TENM2: variants seen among roughly 807,000 people sequenced by gnomAD.
TENM2 encodes teneurin-2.
Under a neutral mutation model 245.2 loss-of-function variants are expected in TENM2, and 52 were observed. The ratio of observed to expected loss-of-function variants is 0.21; its 90% CI spans 0.17 to 0.27. TENM2 has a LOEUF of 0.27. Among genes scored for constraint, TENM2 ranks in the 10% least tolerant of loss-of-function variants. TENM2 has a pLI of 1.00. For missense variants in TENM2, 3,046 were observed against 3,666.8 expected (o/e 0.83, Z 4.37); for synonymous variants, 1,363 against 1,438.9 (o/e 0.95, Z 1.19).
chr5:167,311,228 G>A (rs973399889), intron 1 of TENM2, among the ~76,000 whole-genome samples: 12 of 152,200 alleles, frequency 7.9e-5, no homozygotes, highest in Admixed American at 4.6e-4. Flanking sequence ...ATTACTTTGC[G>A]CTGTACTCCT....
At chr5:167,454,699 C>T (rs1180482662) in intron 2 of TENM2, among the ~76,000 whole-genome samples, 2 of 152,144 alleles carry the variant, frequency 1.3e-5, no homozygotes, top group African/African-American at 2.4e-5. Context: ...ATTACCTTTT[C>T]TTCCAGGTTG....
chr5:167,321,997 T>A (rs974451948), intron 1 of TENM2, among the ~76,000 whole-genome samples: 1 of 151,516 alleles, frequency 6.6e-6, no homozygotes, highest in Non-Finnish European at 1.5e-5. Context: ...TCTGACTAGT[T>A]TTTTTTGTAT....
chr5:168,061,051 C>G (rs1398535589), intron 6 of TENM2, among the ~76,000 whole-genome samples: 1 of 152,076 alleles, frequency 6.6e-6, no homozygotes, highest in Non-Finnish European at 1.5e-5. Context: ...ATCGGGGGTT[C>G]CAGAAATGAA....
At chr5:168,024,267 A>C (rs1581090678) in intron 5 of TENM2, among the ~76,000 whole-genome samples, 1 of 152,160 alleles carries the variant, frequency 6.6e-6, no homozygotes, top group African/African-American at 2.4e-5. Context: ...CACCTACAGT[A>C]CCATACCTAA....
intron 2 of TENM2, among the ~76,000 whole-genome samples, chr5:167,755,413 A>T (rs1582922639): frequency 1.3e-5 from 2 of 149,098 alleles, no homozygotes; most frequent in African/African-American, 4.9e-5. Flanking sequence ...GTTGATCTGA[A>T]TTTTTTTTTT....
At chr5:167,293,270 C>G (rs1754746193) in intron 1 of TENM2, among the ~76,000 whole-genome samples, 1 of 152,078 alleles carries the variant, frequency 6.6e-6, no homozygotes, top group Non-Finnish European at 1.5e-5. Context: ...GGTGCAATCT[C>G]TGCTCACAGC....
intron 2 of TENM2, among the ~76,000 whole-genome samples, chr5:167,837,003 G>A (rs1244806978): frequency 6.6e-6 from 1 of 150,934 alleles, no homozygotes; most frequent in Admixed American, 6.6e-5. Context: ...ATTCAAAAAA[G>A]TAGAAAGAAA....
At chr5:167,498,633 G>C (rs148497276) in intron 2 of TENM2, among the ~76,000 whole-genome samples, 103 of 152,152 alleles carry the variant, frequency 6.8e-4, no homozygotes, top group Non-Finnish European at 1.2e-3. Flanking sequence ...GTTTCTCCTT[G>C]AGCTTGCACT....
chr5:167,073,286 C>T, the TENM2 span, among the ~76,000 whole-genome samples: 2 of 152,100 alleles, frequency 1.3e-5, no homozygotes, highest in African/African-American at 2.4e-5. Flanking sequence ...GGGCTTGCTT[C>T]GTCATTTGGC....
intron 2 of TENM2, among the ~76,000 whole-genome samples, chr5:167,493,777 C>CAT (rs1360431863): frequency 2.6e-5 from 4 of 152,026 alleles, no homozygotes; most frequent in African/African-American, 7.2e-5. Context: ...CATATATGTT[C>CAT]ATATATCTAT....
chr5:167,379,306 C>T (rs531294212), intron 2 of TENM2, among the ~76,000 whole-genome samples: 6 of 152,192 alleles, frequency 3.9e-5, no homozygotes, highest in South Asian at 4.1e-4. Flanking sequence ...TCTGTCTCCT[C>T]GGCAGAGTTC....
At chr5:167,499,669 CT>C (rs1486993567) in intron 2 of TENM2, among the ~76,000 whole-genome samples, 1 of 152,120 alleles carries the variant, frequency 6.6e-6, no homozygotes, top group East Asian at 1.9e-4. Context: ...GAGCTACCCA[CT>C]ATTGTACATT....
intron 2 of TENM2, among the ~76,000 whole-genome samples, chr5:167,725,641 A>C (rs992646274): frequency 6.6e-6 from 1 of 152,066 alleles, no homozygotes; most frequent in Non-Finnish European, 1.5e-5. Flanking sequence ...TTTAAATGCA[A>C]ATTGGATCCT....
intron 2 of TENM2, among the ~76,000 whole-genome samples, chr5:167,720,949 G>T (rs1759586704): frequency 6.6e-6 from 1 of 152,218 alleles, no homozygotes; most frequent in South Asian, 2.1e-4. Flanking sequence ...GTGCTGGAAT[G>T]AAAGCTGCAG....
chr5:168,154,147 T>TACAAAAAAAAAAAAAAAAAAAA (rs1756906873), intron 12 of TENM2, among the ~76,000 whole-genome samples: 1 of 85,100 alleles, frequency 1.2e-5, no homozygotes, highest in Non-Finnish European at 2.5e-5. Flanking sequence ...TCACCTACTT[T>TACAAAAAAAAAAAAAAAAAAAA]AAAAAAAAAA....
intron 2 of TENM2, among the ~76,000 whole-genome samples, chr5:167,718,270 G>C (rs186941522): frequency 6.5e-4 from 99 of 152,246 alleles, no homozygotes; most frequent in Admixed American, 6.3e-3. Context: ...GCCCTGCTCC[G>C]AGGACCTCAC....
chr5:167,775,329 G>C (rs541295986), intron 2 of TENM2, among the ~76,000 whole-genome samples: 2 of 152,266 alleles, frequency 1.3e-5, no homozygotes, highest in South Asian at 4.1e-4. Flanking sequence ...CAGGTTGTGT[G>C]GCCCTTGTCG....
intron 2 of TENM2, among the ~76,000 whole-genome samples, chr5:167,395,928 G>C (rs1251191181): frequency 2.0e-5 from 3 of 152,072 alleles, no homozygotes; most frequent in African/African-American, 7.2e-5. Context: ...CCCCTGTTAG[G>C]ATGGCCATTA....
downstream of TENM2, chr5:168,263,062 C>A (rs966156741): frequency 2.2e-6 from 1 of 446,390 alleles, no homozygotes; most frequent in Non-Finnish European, 4.0e-6. Flanking sequence ...AACAGACACA[C>A]ACAATGTTCC....
Sources: allele counts gnomAD v4.1 joint callset (sites outside exome capture counted in the v4.1 genomes callset), GRCh38; gene constraint gnomAD v4.1.1; transcripts MANE v1.5; gene names NCBI Gene and HGNC (gene_info 2026-07-23, HGNC 2026-07-21).